Variants in MTURN observed in about 807,000 individuals in gnomAD.
MTURN encodes maturin.
A neutral mutation model predicts 14.9 loss-of-function variants in MTURN; 7 were observed. That is an observed-to-expected ratio of 0.47 (90% CI 0.27 to 0.88). The LOEUF is 0.88. Ranked by LOEUF, MTURN falls within the 40% of genes least tolerant of loss-of-function variation. The pLI is 0.14. For synonymous variants in MTURN, 69 were observed against 72.5 expected (o/e 0.95, Z 0.25); for missense variants, 151 against 174.1 (o/e 0.87, Z 0.75).
intron 2 of MTURN, among the ~76,000 whole-genome samples, chr7:30,156,612 G>GA: frequency 6.6e-6 from 1 of 152,276 alleles, no homozygotes; most frequent in South Asian, 2.1e-4. Flanking sequence ...AGATCACAAG[G>GA]TCAGAAGATC....
intron 2 of MTURN, among the ~76,000 whole-genome samples, chr7:30,155,214 TGA>T (rs1246420461): frequency 6.6e-6 from 1 of 152,168 alleles, no homozygotes; most frequent in African/African-American, 2.4e-5. Flanking sequence ...GTCTGTTAAG[TGA>T]GAGGGAACCA....
intron 2 of MTURN, among the ~76,000 whole-genome samples, chr7:30,152,030 A>G (rs193035036): frequency 4.6e-5 from 7 of 152,368 alleles, no homozygotes; most frequent in Admixed American, 4.6e-4. Context: ...GAAAAGAGAA[A>G]GAATCCACCT....
intron 1 of MTURN, among the ~76,000 whole-genome samples, chr7:30,145,247 A>C (rs1797112337): frequency 1.3e-5 from 2 of 152,198 alleles, no homozygotes; most frequent in Admixed American, 6.5e-5. Context: ...ATGGTGGCTC[A>C]CGCCTGTAGT....
chr7:30,135,965 C>G (rs547730604), intron 1 of MTURN, among the ~76,000 whole-genome samples: 16 of 147,726 alleles, frequency 1.1e-4, no homozygotes, highest in Admixed American at 9.4e-4. Context: ...TGCGCATACA[C>G]CCCAACACAC....
chr7:30,150,661 G>A (rs1190099083), intron 2 of MTURN, among the ~76,000 whole-genome samples: 1 of 152,192 alleles, frequency 6.6e-6, no homozygotes, highest in Non-Finnish European at 1.5e-5. Context: ...CAGGCTCATT[G>A]AGGAACAAAG....
intron 1 of MTURN, chr7:30,141,420 A>T (rs1797050756): frequency 6.6e-6 from 1 of 150,950 alleles, no homozygotes; most frequent in Non-Finnish European, 1.5e-5. Context: ...GTCTCAAAAA[A>T]AAAAAAAAAA....
At position 30,155,163 on chromosome 7, in the gene MTURN, G is replaced by A. The variant is rs541718250; in HGVS notation, c.286-2275G>A. Among the ~76,000 whole-genome samples, 11 of 152,308 alleles carry A rather than the reference G, an allele frequency of 7.2e-5. No homozygotes were observed. In the East Asian group the frequency reaches 2.1e-3, roughly 29 times the overall value. On this transcript the variant is annotated intron_variant, in intron 2 of 2. Coordinates refer to ENST00000324453, the MANE Select transcript of MTURN (RefSeq NM_152793.3). ...AGTTGACCACAGTGTTTTCCACGGG[G>A]CCTCAGAATCCTGAAACTCCAGGCA...
At chr7:30,155,726 C>T (rs1404678120) in intron 2 of MTURN, among the ~76,000 whole-genome samples, 1 of 152,162 alleles carries the variant, frequency 6.6e-6, no homozygotes, top group Non-Finnish European at 1.5e-5. Context: ...ACCAACAATG[C>T]CTAGCAGATG....
intron 2 of MTURN, among the ~76,000 whole-genome samples, chr7:30,157,110 A>C (rs1797299510): frequency 1.3e-5 from 2 of 152,196 alleles, no homozygotes; most frequent in African/African-American, 4.8e-5. Context: ...CAGTGAGCAC[A>C]GTTCATTTCA....
chr7:30,151,124 A>C (rs908391608), intron 2 of MTURN, among the ~76,000 whole-genome samples: 1 of 152,204 alleles, frequency 6.6e-6, no homozygotes, highest in South Asian at 2.1e-4. Flanking sequence ...ACTCCACTCC[A>C]GTGACCTCCT....
At chr7:30,155,711 G>T (rs1365387037) in intron 2 of MTURN, among the ~76,000 whole-genome samples, 1 of 152,238 alleles carries the variant, frequency 6.6e-6, no homozygotes, top group African/African-American at 2.4e-5. Flanking sequence ...CACAGGCAGA[G>T]TGTGACCAAC....
At chr7:30,157,077 C>T (rs1797299053) in intron 2 of MTURN, among the ~76,000 whole-genome samples, 1 of 152,072 alleles carries the variant, frequency 6.6e-6, no homozygotes, top group African/African-American at 2.4e-5. Flanking sequence ...AATACAGAAT[C>T]AGTTTTTGAC....
chr7:30,149,644 C>T (rs954515582), intron 2 of MTURN, among the ~76,000 whole-genome samples: 2 of 152,140 alleles, frequency 1.3e-5, no homozygotes, highest in Admixed American at 1.3e-4. Context: ...GTTTGTTTTA[C>T]GTAAGGGAGG....
At chr7:30,155,939 G>C (rs1410328243) in intron 2 of MTURN, among the ~76,000 whole-genome samples, 1 of 152,208 alleles carries the variant, frequency 6.6e-6, no homozygotes, top group African/African-American at 2.4e-5. Context: ...TCTTTTTACT[G>C]TCTTGATGCA....
intron 1 of MTURN, among the ~76,000 whole-genome samples, chr7:30,138,766 A>G (rs1264452817): frequency 6.6e-6 from 1 of 152,070 alleles, no homozygotes; most frequent in Non-Finnish European, 1.5e-5. Context: ...AATAAAACCT[A>G]AGCCCTTACC....
intron 2 of MTURN, 62 bp downstream of exon 2, chr7:30,146,361 CAG>C (rs2128031829): frequency 1.4e-5 from 22 of 1,600,354 alleles, no homozygotes; most frequent in Non-Finnish European, 1.5e-5. Context: ...TTTAGAATAA[CAG>C]GGGCGGTGGG....
At chr7:30,145,822 C>G (rs1797120604) in intron 1 of MTURN, 1 of 1,528,834 alleles carries the variant, frequency 6.5e-7, no homozygotes, top group Non-Finnish European at 8.8e-7. Flanking sequence ...GGCAAAGGCT[C>G]TGGTTTCTCC....
At chr7:30,151,838 A>G (rs758291033) in intron 2 of MTURN, among the ~76,000 whole-genome samples, 13 of 152,170 alleles carry the variant, frequency 8.5e-5, no homozygotes, top group Non-Finnish European at 1.9e-4. Context: ...TTCTTCTCTC[A>G]AGAAAGAGAC....
intron 2 of MTURN, among the ~76,000 whole-genome samples, chr7:30,147,728 T>C (rs931058397): frequency 1.3e-4 from 20 of 152,234 alleles, no homozygotes; most frequent in African/African-American, 4.8e-4. Context: ...TTGGACCCAG[T>C]CACTTTGTGC....
Sources: gnomAD v4.1 joint callset for allele counts (sites outside exome capture counted in the v4.1 genomes callset) on GRCh38, gnomAD v4.1.1 for gene constraint, MANE v1.5 for transcripts, NCBI Gene and HGNC (gene_info 2026-07-23, HGNC 2026-07-21) for gene names.